DCC: variants seen among roughly 807,000 people sequenced by gnomAD.
The protein encoded by DCC is netrin receptor DCC.
In DCC, 58 loss-of-function variants were observed where a neutral mutation model predicts 172.5. The observed-to-expected ratio is 0.34, with a 90% CI of 0.27 to 0.42. The LOEUF is 0.42. DCC is among the 10% of genes least tolerant of loss of function. DCC has a pLI of 1.00. For synonymous variants in DCC, 709 were observed against 644.5 expected (o/e 1.10, Z -1.52); for missense variants, 1,740 against 1,791.0 (o/e 0.97, Z 0.51).
At chr18:53,151,291 T>C (rs1364180906) in intron 7 of DCC, among the ~76,000 whole-genome samples, 1 of 152,204 alleles carries the variant, frequency 6.6e-6, no homozygotes. Flanking sequence ...ATAACTTTTC[T>C]ACCCAAACTC....
chr18:52,924,410 T>A (rs2040169515), intron 4 of DCC, among the ~76,000 whole-genome samples: 1 of 152,130 alleles, frequency 6.6e-6, no homozygotes, highest in Admixed American at 6.6e-5. Context: ...TTATAGAGTT[T>A]GAGCAATTTT....
At chr18:52,410,963 C>G (rs185202917) in intron 1 of DCC, among the ~76,000 whole-genome samples, 25 of 152,232 alleles carry the variant, frequency 1.6e-4, no homozygotes, top group African/African-American at 4.6e-4. Flanking sequence ...CACCTGACAA[C>G]TATTTACATT....
At chr18:53,073,252 G>A (rs535665243) in intron 7 of DCC, among the ~76,000 whole-genome samples, 118 of 152,268 alleles carry the variant, frequency 7.7e-4, no homozygotes, top group Admixed American at 7.1e-3. Context: ...TAGGCCCGGC[G>A]CGGTGGCTCA....
chr18:53,177,396 C>A (rs1181800642), intron 8 of DCC, among the ~76,000 whole-genome samples: 3 of 152,162 alleles, frequency 2.0e-5, no homozygotes, highest in Non-Finnish European at 4.4e-5. Flanking sequence ...CACTTAGCTC[C>A]TGGCAGCCAC....
intron 27 of DCC, among the ~76,000 whole-genome samples, chr18:53,511,048 C>G (rs1365018224): frequency 6.6e-6 from 1 of 152,154 alleles, no homozygotes; most frequent in East Asian, 1.9e-4. Context: ...TTTTGATTTT[C>G]CTATCCCCAA....
intron 25 of DCC, among the ~76,000 whole-genome samples, chr18:53,472,847 A>G (rs2045714645): frequency 6.6e-6 from 1 of 152,152 alleles, no homozygotes; most frequent in South Asian, 2.1e-4. Context: ...GCCAAGAAAA[A>G]CAAAACAAAC....
intron 15 of DCC, among the ~76,000 whole-genome samples, chr18:53,383,090 T>C (rs1907892018): frequency 6.6e-6 from 1 of 152,108 alleles, no homozygotes; most frequent in Non-Finnish European, 1.5e-5. Context: ...CAATCTGTCA[T>C]TTAGGTCCAG....
Position 53,364,921 on chromosome 18 carries a change from C to T in DCC, c.2360-21122C>T, listed in dbSNP as rs749527896. Among the ~76,000 whole-genome samples, 4 of 152,160 alleles carry T rather than the reference C, an allele frequency of 2.6e-5. No homozygotes were observed. In the South Asian group the frequency reaches 8.3e-4, roughly 32 times the overall value. ...AATGGCTTTCTATAGATCCTTACCA[C>T]GATGTTTTCCACATTGATGGAAATT... On this transcript the variant is annotated intron_variant, in intron 15 of 28. Coordinates refer to ENST00000442544, the MANE Select transcript of DCC (RefSeq NM_005215.4).
chr18:52,345,557 G>A (rs1257111101), intron 1 of DCC, among the ~76,000 whole-genome samples: 1 of 152,184 alleles, frequency 6.6e-6, no homozygotes, highest in Non-Finnish European at 1.5e-5. Flanking sequence ...GCAGCCTGCT[G>A]TGGGCTGCTT....
chr18:52,384,666 C>T (rs923383473), intron 1 of DCC, among the ~76,000 whole-genome samples: 3 of 152,062 alleles, frequency 2.0e-5, no homozygotes, highest in African/African-American at 7.2e-5. Flanking sequence ...TTAAAGTTAC[C>T]AAGTCGTCTT....
rs2034209500 is a variant in DCC at position 52,609,735 on chromosome 18, AT to A, written c.92-142318del. 1.4e-4 allele frequency among the ~76,000 whole-genome samples: 22 copies of A among 152,026 alleles called. No homozygotes were observed. In the South Asian group the frequency reaches 4.4e-3, roughly 30 times the overall value. On this transcript the variant is annotated intron_variant, in intron 1 of 28. Coordinates refer to ENST00000442544, the MANE Select transcript of DCC (RefSeq NM_005215.4). The stretch of plus-strand genomic sequence containing the variant: ...CTGGACGGGGACCTGAAAAAAAAAA[AT>A]CTTTGTCAAATTATGTGTTCTGAAT...
chr18:52,486,421 A>G (rs1358525916), intron 1 of DCC, among the ~76,000 whole-genome samples: 1 of 152,168 alleles, frequency 6.6e-6, no homozygotes, highest in African/African-American at 2.4e-5. Context: ...TACACCTTAT[A>G]GCCTCCAACT....
chr18:52,463,072 C>T (rs1988680434), intron 1 of DCC, among the ~76,000 whole-genome samples: 1 of 152,192 alleles, frequency 6.6e-6, no homozygotes, highest in African/African-American at 2.4e-5. Flanking sequence ...GCATAGCATA[C>T]TTACCGTAAT....
At chr18:53,013,012 C>T (rs1165768853) in intron 5 of DCC, among the ~76,000 whole-genome samples, 1 of 152,112 alleles carries the variant, frequency 6.6e-6, no homozygotes, top group African/African-American at 2.4e-5. Flanking sequence ...CAAATCAAAA[C>T]CACAATGAGA....
At chr18:53,052,137 AT>A (rs1229872172) in intron 5 of DCC, among the ~76,000 whole-genome samples, 3 of 151,720 alleles carry the variant, frequency 2.0e-5, no homozygotes, top group African/African-American at 7.3e-5. Context: ...GTACTTTCTA[AT>A]TTATGTATTA....
intron 1 of DCC, among the ~76,000 whole-genome samples, chr18:52,471,374 A>G (rs868239089): frequency 1.3e-5 from 2 of 152,182 alleles, no homozygotes; most frequent in African/African-American, 4.8e-5. Context: ...GGCTGATTTC[A>G]TCTTTGATAT....
intron 1 of DCC, among the ~76,000 whole-genome samples, chr18:52,583,129 T>C (rs1293327834): frequency 6.6e-6 from 1 of 152,212 alleles, no homozygotes; most frequent in Non-Finnish European, 1.5e-5. Context: ...TCAACAACTA[T>C]AATATCTGAT....
intron 1 of DCC, among the ~76,000 whole-genome samples, chr18:52,565,870 T>G (rs1227652435): frequency 6.6e-6 from 1 of 152,200 alleles, no homozygotes; most frequent in Admixed American, 6.6e-5. Context: ...TTTTGGCTTT[T>G]GTTGCCATTG....
At chr18:53,105,820 C>T (rs2043237861) in intron 7 of DCC, among the ~76,000 whole-genome samples, 1 of 151,630 alleles carries the variant, frequency 6.6e-6, no homozygotes, top group East Asian at 2.0e-4. Flanking sequence ...TAGTCTCATA[C>T]CCTCACTTTC....
Sources: gnomAD v4.1 joint callset for allele counts (sites outside exome capture counted in the v4.1 genomes callset) on GRCh38, gnomAD v4.1.1 for gene constraint, MANE v1.5 for transcripts, NCBI Gene and HGNC (gene_info 2026-07-23, HGNC 2026-07-21) for gene names.